Variants in LAPTM4A observed in about 807,000 individuals in gnomAD.
The protein encoded by LAPTM4A is lysosomal-associated transmembrane protein 4A.
LAPTM4A carries 19 observed loss-of-function variants against 29.9 expected under a neutral mutation model. That is an observed-to-expected ratio of 0.64 (90% confidence interval 0.44 to 0.93). The LOEUF is 0.93. LAPTM4A is among the 40% of genes least tolerant of loss of function. The pLI, the probability that LAPTM4A is intolerant of heterozygous loss-of-function variation, is 0.00. For missense variants in LAPTM4A, 293 were observed against 288.5 expected (o/e 1.02, Z -0.11); for synonymous variants, 105 against 102.1 (o/e 1.03, Z -0.17).
At chr2:20,049,548 T>C (rs1220620195) in intron 1 of LAPTM4A, among the ~76,000 whole-genome samples, 2 of 152,242 alleles carry the variant, frequency 1.3e-5, no homozygotes, top group East Asian at 3.8e-4. Context: ...TTCCTGTTTG[T>C]AGTTCCCACT....
chr2:20,050,882 C>T (rs1416853539), intron 1 of LAPTM4A, among the ~76,000 whole-genome samples: 1 of 152,226 alleles, frequency 6.6e-6, no homozygotes, highest in Non-Finnish European at 1.5e-5. Flanking sequence ...AGGCATGAAA[C>T]AAAACAAAGT....
intron 4 of LAPTM4A, 157 bp from the exon 5 acceptor site, chr2:20,035,219 T>TTTTAAATTTTAATTCA: frequency 1.6e-6 from 1 of 621,060 alleles, no homozygotes. Context: ...TTTTAAATTT[T>TTTTAAATTTTAATTCA]AAGCCTTATC....
At chr2:20,035,150 C>G in intron 4 of LAPTM4A, 88 bp from the exon 5 acceptor site, 1 of 827,954 alleles carries the variant, frequency 1.2e-6, no homozygotes, top group Non-Finnish European at 2.0e-6. Flanking sequence ...AATACAAAGG[C>G]ACCAAAGTCA....
At chr2:20,049,059 C>T (rs1251704487) in intron 1 of LAPTM4A, among the ~76,000 whole-genome samples, 4 of 152,174 alleles carry the variant, frequency 2.6e-5, no homozygotes, top group Non-Finnish European at 5.9e-5. Flanking sequence ...TACTGATCAC[C>T]TTCTCCTCCT....
rs915360398 is a variant in LAPTM4A, at chr2:20,037,445, A to G, written c.310-7T>C. Reference sequence around the variant, plus strand: ...TCAGCCAACCCACTTGATACTGGAGAAAAAATAACAACCATAACATTGTAT... The same window carrying G: ...TCAGCCAACCCACTTGATACTGGAGGAAAAATAACAACCATAACATTGTAT... On this transcript the variant is annotated splice_region_variant and splice_polypyrimidine_tract_variant and intron_variant, in intron 3 of 6. Coordinates refer to ENST00000175091, the MANE Select transcript of LAPTM4A (RefSeq NM_014713.5). 3.7e-6 allele frequency: 6 copies of G among 1,606,354 alleles called. No individual in the cohort carries two copies. The highest frequency in any genetic ancestry group is 1.1e-5 in the South Asian group (1 of 89,904).
intron 1 of LAPTM4A, among the ~76,000 whole-genome samples, chr2:20,050,772 C>A (rs1157249368): frequency 2.6e-5 from 4 of 152,218 alleles, no homozygotes; most frequent in Non-Finnish European, 2.9e-5. Context: ...CTACGAAAAG[C>A]ACCTACTGCG....
intron 1 of LAPTM4A, 38 bp downstream of exon 1, chr2:20,051,372 G>A (rs1195196829): frequency 3.6e-6 from 4 of 1,122,636 alleles, no homozygotes; most frequent in East Asian, 4.2e-5. Context: ...CCGCTCCCCA[G>A]GCCCCCCGGA....
At chr2:20,047,651 C>T (rs1225317777) in intron 1 of LAPTM4A, among the ~76,000 whole-genome samples, 2 of 147,006 alleles carry the variant, frequency 1.4e-5, no homozygotes, top group Non-Finnish European at 3.0e-5. Context: ...GATTGCGCCA[C>T]TGCGGTCCGC....
intron 4 of LAPTM4A, 121 bp downstream of exon 4, chr2:20,037,195 A>T: frequency 2.6e-6 from 2 of 772,844 alleles, no homozygotes; most frequent in Non-Finnish European, 2.0e-6. Flanking sequence ...TAATTATTTT[A>T]AGACACTTTC....
intron 1 of LAPTM4A, among the ~76,000 whole-genome samples, chr2:20,048,999 A>G (rs767545035): frequency 1.3e-5 from 2 of 152,264 alleles, no homozygotes; most frequent in African/African-American, 2.4e-5. Flanking sequence ...ACTATAATAA[A>G]CAAAACCAAT....
intron 4 of LAPTM4A, among the ~76,000 whole-genome samples, chr2:20,036,160 A>G (rs937417744): frequency 6.7e-6 from 1 of 149,926 alleles, no homozygotes; most frequent in South Asian, 2.1e-4. Context: ...AGAGCCACAC[A>G]GAAGCCGCTG....
At position 20,033,222 on chromosome 2, in the gene LAPTM4A, GA is replaced by G; in HGVS notation, c.684del (p.Pro229LeufsTer76). 6.2e-7 allele frequency: 1 copy of G among 1,614,080 alleles called. No homozygotes were observed. Among genetic ancestry groups the G allele is most frequent in the Non-Finnish European group, 8.5e-7 (1 of 1,179,936 alleles). ...GAATTTCTTCAGGCAGGTAAGTAAG[GA>G]GGTGGTGGTTCTTTTTCAGGCATTT... ...AVKMPEKEPP[P>X]PYLPA On this transcript the variant is annotated frameshift_variant, in exon 7 of 7. Coordinates refer to ENST00000175091, the MANE Select transcript of LAPTM4A (RefSeq NM_014713.5). LOFTEE classifies it high-confidence loss of function.
At chr2:20,051,351 C>T in intron 1 of LAPTM4A, 59 bp downstream of exon 1, 1 of 1,104,600 alleles carries the variant, frequency 9.1e-7, no homozygotes. Context: ...TCACCCCCTC[C>T]GCACCAGGCC....
In LAPTM4A at chr2:20,051,594, G is replaced by A; in HGVS notation, c.-74C>T. ...CACCCGCAGCCAAACTCAAACGGCT[G>A]TTTCACGGCCTCCAAAACCCAACGA... On this transcript the variant is annotated 5_prime_UTR_variant, in exon 1 of 7. Coordinates refer to ENST00000175091, the MANE Select transcript of LAPTM4A (RefSeq NM_014713.5). The A allele has an allele frequency of 1.0e-6, 1 of 971,052 alleles. No homozygotes were observed. The highest frequency in any genetic ancestry group is 1.6e-6 in the Non-Finnish European group (1 of 638,384). The allele number at this position is 971,052 out of a possible 1,614,324, so 60.2% of individuals were successfully genotyped here.
At chr2:20,045,465 TA>T (rs397955198) in intron 1 of LAPTM4A, among the ~76,000 whole-genome samples, 2,688 of 139,636 alleles carry the variant, frequency 0.019, 47 homozygotes, top group African/African-American at 0.056. Context: ...CCCATCTCTT[TA>T]AAAAAAAAAA....
intron 1 of LAPTM4A, among the ~76,000 whole-genome samples, chr2:20,047,567 G>C (rs901896434): frequency 1.8e-4 from 27 of 150,348 alleles, no homozygotes; most frequent in African/African-American, 6.6e-4. Context: ...GCGGGCGCCT[G>C]TAGTCCCAGC....
At chr2:20,043,160 C>T (rs1673840981) in intron 1 of LAPTM4A, among the ~76,000 whole-genome samples, 1 of 149,200 alleles carries the variant, frequency 6.7e-6, no homozygotes, top group Non-Finnish European at 1.5e-5. Flanking sequence ...GCAGCTTCCA[C>T]CTCTTGGGTT....
chr2:20,046,694 T>C (rs1167501569), intron 1 of LAPTM4A, among the ~76,000 whole-genome samples: 1 of 145,246 alleles, frequency 6.9e-6, no homozygotes, highest in Non-Finnish European at 1.5e-5. Context: ...TGTATATATA[T>C]TTTTATATGT....
intron 1 of LAPTM4A, among the ~76,000 whole-genome samples, chr2:20,050,265 A>G (rs903688158): frequency 2.6e-5 from 4 of 152,240 alleles, no homozygotes; most frequent in African/African-American, 9.6e-5. Flanking sequence ...TGCCTCATTT[A>G]AGATGATTCT....
Sources: allele counts gnomAD v4.1 joint callset (sites outside exome capture counted in the v4.1 genomes callset), GRCh38; gene constraint gnomAD v4.1.1; transcripts MANE v1.5; gene names NCBI Gene and HGNC (gene_info 2026-07-23, HGNC 2026-07-21).